The following SHOC2 variants were observed in gnomAD, a reference collection of about 807,000 sequenced individuals.
SHOC2 encodes leucine-rich repeat protein SHOC-2.
In SHOC2, 4 loss-of-function variants were observed where a neutral mutation model predicts 50.2. The ratio of observed to expected loss-of-function variants is 0.08; its 90% CI spans 0.04 to 0.18. The LOEUF is 0.18. SHOC2 is among the 10% of genes least tolerant of loss of function. The pLI, the probability that SHOC2 is intolerant of heterozygous loss-of-function variation, is 1.00. For missense variants in SHOC2, 388 were observed against 669.6 expected (o/e 0.58, Z 4.64); for synonymous variants, 218 against 244.5 (o/e 0.89, Z 1.01).
chr10:110,986,345 A>G (rs1307723697), intron 3 of SHOC2, among the ~76,000 whole-genome samples: 18 of 152,236 alleles, frequency 1.2e-4, no homozygotes, highest in Admixed American at 1.2e-3. Flanking sequence ...CAGTAAAGTG[A>G]ATTTTAAAAA....
Position 110,964,996 on chromosome 10 carries a change from A to C in SHOC2, c.638A>C (p.Asn213Thr). ...ACTACTGTGGAAAAGGACATCAAAAACTTGTCAAAACTCAGCATGCTTAGC... is the reference window on the plus strand; with the variant it reads ...ACTACTGTGGAAAAGGACATCAAAACCTTGTCAAAACTCAGCATGCTTAGC... ...RITTVEKDIK[N>T]LSKLSMLSIR... The change falls in exon 2 of 9, where the codon AAC (asparagine) becomes ACC (threonine). Residue 213 changes from asparagine (N) to threonine (T), a missense_variant. Physicochemically the swap from Asn to Thr is moderately conservative, Grantham distance 65. Around this residue, in one of 5 missense-constraint regions of SHOC2, gnomAD observed 88 missense variants for 147.2 expected, o/e 0.60. Transcript: ENST00000369452. This position sits in a 1 kb window ranked among gnomAD's most constrained non-coding sequence, Gnocchi z 4.9. The C allele has an allele frequency of 6.2e-7, 1 of 1,613,830 alleles. No homozygotes were observed. Among genetic ancestry groups the C allele is most frequent in the Non-Finnish European group, 8.5e-7 (1 of 1,179,906 alleles).
rs1847632082 is a variant in SHOC2 at position 110,964,414 on chromosome 10, C to G, written c.56C>G (p.Pro19Arg). The G allele has an allele frequency of 6.2e-7, 1 of 1,612,910 alleles. No homozygotes were observed. The highest frequency in any genetic ancestry group is 2.2e-5 in the East Asian group (1 of 44,882). The part of the protein sequence containing the change: ...KDSKEKDPKV[P>R]SAKEREKEAK... ...TCTAAAGAAAAAGATCCCAAAGTACCATCAGCCAAGGAAAGAGAAAAGGAG... is the reference window on the plus strand; with the variant it reads ...TCTAAAGAAAAAGATCCCAAAGTACGATCAGCCAAGGAAAGAGAAAAGGAG... The change falls in exon 2 of 9, where the codon CCA becomes CGA. Residue 19 changes from proline (P) to arginine (R), a missense_variant. Physicochemically the swap from Pro to Arg is moderately radical, Grantham distance 103 (BLOSUM62 -2). Around this residue, in one of 5 missense-constraint regions of SHOC2, gnomAD observed 121 missense variants for 145.5 expected, o/e 0.83. Coordinates refer to ENST00000369452, the MANE Select transcript of SHOC2 (RefSeq NM_007373.4). The surrounding 1 kb of genome is among the most constrained non-coding windows in gnomAD (Gnocchi z 4.9).
At chr10:110,943,988 T>G (rs1418425608) in intron 1 of SHOC2, among the ~76,000 whole-genome samples, 2 of 152,222 alleles carry the variant, frequency 1.3e-5, no homozygotes, top group African/African-American at 4.8e-5. Context: ...TTGCCCCAAG[T>G]GGCTGTGGAT....
chr10:110,967,908 G>C (rs1315200765), intron 2 of SHOC2, among the ~76,000 whole-genome samples: 2 of 152,106 alleles, frequency 1.3e-5, no homozygotes, highest in Non-Finnish European at 2.9e-5. Flanking sequence ...CTTTCTGACT[G>C]TTATGAGTAT....
At chr10:110,931,525 T>A (rs371806208) in intron 1 of SHOC2, among the ~76,000 whole-genome samples, 19 of 152,316 alleles carry the variant, frequency 1.2e-4, no homozygotes, top group African/African-American at 3.6e-4. Context: ...AAGAAGCCTT[T>A]ACATCTTAAT....
intron 2 of SHOC2, among the ~76,000 whole-genome samples, chr10:110,975,037 G>A (rs888802294): frequency 3.9e-5 from 6 of 151,986 alleles, no homozygotes; most frequent in Non-Finnish European, 7.4e-5. Flanking sequence ...TATAACCATT[G>A]TATAGTGATC....
chr10:110,953,096 TG>T (rs1388997772), intron 1 of SHOC2, among the ~76,000 whole-genome samples: 4 of 152,250 alleles, frequency 2.6e-5, no homozygotes, highest in Non-Finnish European at 5.9e-5. Context: ...ATGGGATTGC[TG>T]GGTCAAATGG....
chr10:110,977,327 C>G (rs1391287295), intron 2 of SHOC2, among the ~76,000 whole-genome samples: 1 of 151,636 alleles, frequency 6.6e-6, no homozygotes, highest in Non-Finnish European at 1.5e-5. Context: ...TCTCGGCCCA[C>G]CGCAGTCTCT....
intron 2 of SHOC2, among the ~76,000 whole-genome samples, chr10:110,981,571 C>A (rs1364395398): frequency 6.6e-6 from 1 of 152,152 alleles, no homozygotes; most frequent in Admixed American, 6.5e-5. Flanking sequence ...AACTGGAAGT[C>A]GGCTGTAAGT....
At chr10:110,978,565 A>G (rs1340883478) in intron 2 of SHOC2, among the ~76,000 whole-genome samples, 2 of 152,228 alleles carry the variant, frequency 1.3e-5, no homozygotes, top group Non-Finnish European at 1.5e-5. Context: ...CAACTTGACA[A>G]GACTGAAAAT....
At chr10:111,002,582 A>G (rs1300388210) in intron 4 of SHOC2, among the ~76,000 whole-genome samples, 1 of 152,200 alleles carries the variant, frequency 6.6e-6, no homozygotes, top group Admixed American at 6.5e-5. Context: ...TCATAAACCT[A>G]CTAGTTATTG....
At chr10:110,927,653 C>T (rs1371986627) in intron 1 of SHOC2, among the ~76,000 whole-genome samples, 1 of 152,120 alleles carries the variant, frequency 6.6e-6, no homozygotes, top group Non-Finnish European at 1.5e-5. Context: ...TCCCCACCTC[C>T]TGTTATATAA....
intron 1 of SHOC2, among the ~76,000 whole-genome samples, chr10:110,924,840 C>T (rs112083459): frequency 0.096 from 14,588 of 151,966 alleles, 965 homozygotes; most frequent in Non-Finnish European, 0.14. Context: ...GAAGCTGAGG[C>T]GGGCAGATCG....
At chr10:110,927,907 CTA>C (rs1159873278) in intron 1 of SHOC2, among the ~76,000 whole-genome samples, 1 of 152,176 alleles carries the variant, frequency 6.6e-6, no homozygotes, top group Non-Finnish European at 1.5e-5. Context: ...AATGGAGTCA[CTA>C]TTTTTAAAAC....
At chr10:110,926,893 A>T (rs1421570632) in intron 1 of SHOC2, among the ~76,000 whole-genome samples, 2 of 152,228 alleles carry the variant, frequency 1.3e-5, no homozygotes, top group Admixed American at 6.5e-5. Flanking sequence ...ACAAATAATT[A>T]TCTGAAAATA....
At chr10:110,944,380 G>C (rs1847208446) in intron 1 of SHOC2, among the ~76,000 whole-genome samples, 1 of 55,448 alleles carries the variant, frequency 1.8e-5, no homozygotes, top group African/African-American at 7.1e-5. Context: ...ATGTATCTTT[G>C]AGCCAAAAAA....
rs374689693 is a variant in SHOC2, at chr10:110,949,372, G to A, written c.-234-14753G>A. Among the ~76,000 whole-genome samples the A allele has an allele frequency of 3.9e-5, 6 of 152,154 alleles. No homozygotes were observed. In the East Asian group the frequency reaches 9.7e-4, roughly 24 times the overall value. On this transcript the variant is annotated intron_variant, in intron 1 of 8. Coordinates refer to ENST00000369452, the MANE Select transcript of SHOC2 (RefSeq NM_007373.4). ...ATAGAAATTTTTTTCTAGAAGCATA[G>A]CGTCTACCAATCATGAAGAAAGAGA...
intron 1 of SHOC2, among the ~76,000 whole-genome samples, chr10:110,944,208 T>C (rs1242959311): frequency 6.6e-6 from 1 of 152,234 alleles, no homozygotes; most frequent in Admixed American, 6.5e-5. Flanking sequence ...TAGGATATTC[T>C]GTTGTGATAC....
intron 1 of SHOC2, chr10:110,936,971 A>G (rs1350020805): frequency 6.9e-7 from 1 of 1,452,230 alleles, no homozygotes; most frequent in Admixed American, 1.7e-5. Flanking sequence ...CTTGTGGGGC[A>G]GCATACTTCG....
Sources: allele counts gnomAD v4.1 joint callset (sites outside exome capture counted in the v4.1 genomes callset), GRCh38; gene constraint gnomAD v4.1.1; regional missense constraint gnomAD v4.1.1; non-coding constraint Gnocchi (gnomAD v3.1); transcripts MANE v1.5; gene names NCBI Gene and HGNC (gene_info 2026-07-23, HGNC 2026-07-21).